Variants in SLC2A9 observed in about 807,000 individuals in gnomAD.
SLC2A9 encodes solute carrier family 2 member 9.
Under a neutral mutation model 50.6 loss-of-function variants are expected in SLC2A9, and 39 were observed. The observed-to-expected ratio is 0.77, with a 90% CI of 0.60 to 1.01. The LOEUF is 1.01. Among genes scored for constraint, SLC2A9 ranks in the 50% least tolerant of loss-of-function variants. The probability of loss-of-function intolerance (pLI) is 0.00; values close to 1 mark genes in which losing one functional copy is unlikely to be tolerated. For missense variants in SLC2A9, 686 were observed against 677.6 expected (o/e 1.01, Z -0.14); for synonymous variants, 324 against 276.9 (o/e 1.17, Z -1.69).
At chr4:9,991,074 G>A (rs922841403) in intron 3 of SLC2A9, among the ~76,000 whole-genome samples, 1 of 152,198 alleles carries the variant, frequency 6.6e-6, no homozygotes, top group African/African-American at 2.4e-5. Context: ...GGTAGGGGTG[G>A]ATGCAGCCCC....
chr4:9,784,504 C>T (rs1262270813), intron 3 of SLC2A9, among the ~76,000 whole-genome samples: 1 of 152,184 alleles, frequency 6.6e-6, no homozygotes, highest in Non-Finnish European at 1.5e-5. Flanking sequence ...AAAAGAAACT[C>T]TATTTTTAAA....
At chr4:10,007,393 T>G (rs1760980994) in intron 2 of SLC2A9, among the ~76,000 whole-genome samples, 1 of 152,154 alleles carries the variant, frequency 6.6e-6, no homozygotes, top group Non-Finnish European at 1.5e-5. Flanking sequence ...GCTTTCAGAA[T>G]GAAATGAAAC....
At chr4:10,002,678 C>A (rs1237932567) in intron 2 of SLC2A9, among the ~76,000 whole-genome samples, 2 of 152,092 alleles carry the variant, frequency 1.3e-5, no homozygotes, top group East Asian at 3.9e-4. Context: ...CATGGTGAAA[C>A]CCCATCTCTA....
intron 10 of SLC2A9, among the ~76,000 whole-genome samples, chr4:9,851,025 A>T (rs114214457): frequency 0.012 from 1,698 of 146,356 alleles, 20 homozygotes; most frequent in Admixed American, 0.019. Context: ...TCACTGGTGC[A>T]GCTATATGCA....
chr4:10,024,430 G>A (rs1763686867), upstream of SLC2A9, among the ~76,000 whole-genome samples: 1 of 152,182 alleles, frequency 6.6e-6, no homozygotes, highest in African/African-American at 2.4e-5. Flanking sequence ...GTCCTTATAG[G>A]AAGAGGAAAT....
At chr4:9,978,593 A>C (rs1039183002) in intron 5 of SLC2A9, among the ~76,000 whole-genome samples, 1 of 152,264 alleles carries the variant, frequency 6.6e-6, no homozygotes, top group African/African-American at 2.4e-5. Flanking sequence ...AGAAACAAAA[A>C]GCAAAAGAGT....
chr4:9,992,102 CTGT>C (rs1757809338), intron 3 of SLC2A9, among the ~76,000 whole-genome samples: 1 of 152,112 alleles, frequency 6.6e-6, no homozygotes, highest in Non-Finnish European at 1.5e-5. Context: ...TATGGGATGC[CTGT>C]TGTTTGTGCT....
chr4:9,860,669 C>T (rs563354673), intron 10 of SLC2A9, among the ~76,000 whole-genome samples: 89 of 152,354 alleles, frequency 5.8e-4, no homozygotes, highest in Non-Finnish European at 8.7e-4. Context: ...CAGCCTGGCT[C>T]CCTTGTGCAC....
At chr4:9,908,440 T>A in intron 7 of SLC2A9, 95 bp from the exon 8 acceptor site, 1 of 852,794 alleles carries the variant, frequency 1.2e-6, no homozygotes, top group Non-Finnish European at 2.0e-6. Flanking sequence ...GTCTCTGGAT[T>A]AAACTCAGAG....
intron 3 of SLC2A9, among the ~76,000 whole-genome samples, chr4:9,990,827 C>A (rs542956496): frequency 5.5e-4 from 84 of 152,274 alleles, no homozygotes; most frequent in African/African-American, 2.0e-3. Flanking sequence ...TTCCAGAGTT[C>A]TTGCCATTCT....
At chr4:9,873,933 C>T (rs1345557312) in intron 10 of SLC2A9, among the ~76,000 whole-genome samples, 1 of 152,218 alleles carries the variant, frequency 6.6e-6, no homozygotes, top group Non-Finnish European at 1.5e-5. Flanking sequence ...TTTATTCCCT[C>T]CTCTGCAGAC....
intron 11 of SLC2A9, among the ~76,000 whole-genome samples, chr4:9,830,502 A>T (rs1256364546): frequency 6.6e-6 from 1 of 152,262 alleles, no homozygotes; most frequent in Non-Finnish European, 1.5e-5. Context: ...CATCCTGCAC[A>T]TGTACCCCAA....
chr4:9,937,430 C>A (rs767173236), intron 6 of SLC2A9, among the ~76,000 whole-genome samples: 4 of 152,146 alleles, frequency 2.6e-5, no homozygotes, highest in Non-Finnish European at 5.9e-5. Context: ...CTTAGCTAGT[C>A]CATGGGCCAA....
rs956711764 is a variant in SLC2A9, at chr4:9,852,155, A to G, written c.1292-17147T>C. Among the ~76,000 whole-genome samples the G allele has an allele frequency of 4.6e-5, 7 of 152,340 alleles. No individual in the cohort carries two copies. The South Asian group carries it at 1.5e-3, about 32-fold the overall frequency. ...AAGGCAGCTAGAGAGAAGAGGCAGGACACCAACAAAGTGAACCCCGTCAGG... is the reference window on the plus strand; with the variant it reads ...AAGGCAGCTAGAGAGAAGAGGCAGGGCACCAACAAAGTGAACCCCGTCAGG... On this transcript the variant is annotated intron_variant, in intron 10 of 11. Coordinates refer to ENST00000264784, the MANE Select transcript of SLC2A9 (RefSeq NM_020041.3).
At chr4:9,876,577 C>A (rs7688629) in intron 10 of SLC2A9, among the ~76,000 whole-genome samples, 24 of 152,134 alleles carry the variant, frequency 1.6e-4, no homozygotes, top group African/African-American at 5.5e-4. Context: ...GGTGACAGAG[C>A]GAGACCCTAT....
At chr4:9,936,493 A>T (rs762572518) in intron 6 of SLC2A9, among the ~76,000 whole-genome samples, 1 of 152,188 alleles carries the variant, frequency 6.6e-6, no homozygotes, top group Non-Finnish European at 1.5e-5. Flanking sequence ...TAGCAGCAAC[A>T]TTACCAGGTA....
intron 10 of SLC2A9, among the ~76,000 whole-genome samples, chr4:9,846,196 G>C (rs1412354470): frequency 6.6e-6 from 1 of 152,194 alleles, no homozygotes; most frequent in African/African-American, 2.4e-5. Context: ...TTCTCTAGGA[G>C]AGACATTTGA....
chr4:9,899,822 A>C (rs558517768), intron 8 of SLC2A9, among the ~76,000 whole-genome samples: 5 of 152,262 alleles, frequency 3.3e-5, no homozygotes, highest in African/African-American at 1.2e-4. Context: ...CTTCCATCCC[A>C]TGCCAACTGG....
At chr4:9,816,677 C>A (rs796551093) in intron 3 of SLC2A9, among the ~76,000 whole-genome samples, 1 of 152,072 alleles carries the variant, frequency 6.6e-6, no homozygotes, top group Non-Finnish European at 1.5e-5. Flanking sequence ...TTCAGATATA[C>A]GAGTTCTACA....
Sources: gnomAD v4.1 joint callset for allele counts (sites outside exome capture counted in the v4.1 genomes callset) on GRCh38, gnomAD v4.1.1 for gene constraint, MANE v1.5 for transcripts, NCBI Gene and HGNC (gene_info 2026-07-23, HGNC 2026-07-21) for gene names.